LRBA: variants seen among roughly 807,000 people sequenced by gnomAD.
LRBA encodes the protein lipopolysaccharide-responsive and beige-like anchor protein.
A neutral mutation model predicts 330.0 loss-of-function variants in LRBA; 176 were observed. That is an observed-to-expected ratio of 0.53 (90% CI 0.47 to 0.60). The LOEUF is 0.60. Among genes scored for constraint, LRBA ranks in the 20% least tolerant of loss-of-function variants. The pLI, the probability that LRBA is intolerant of heterozygous loss-of-function variation, is 0.00. For missense variants in LRBA, 3,259 were observed against 3,444.8 expected, an observed-to-expected ratio of 0.95 and a Z score of 1.35; for synonymous variants, 1,230 against 1,193.0, an observed-to-expected ratio of 1.03 and a Z score of -0.64.
In LRBA at chr4:150,852,510, G is replaced by A; in HGVS notation, c.3200C>T (p.Thr1067Ile). ...AVAISSNSFITTGKDSMTVSE... is the reference protein window; with the variant it reads ...AVAISSNSFIITGKDSMTVSE... Reference sequence around the variant, plus strand: ...GACAGTCATTGAATCTTTGCCAGTTGTTATAAAAGAATTAGAGGAAATAGC... The same window carrying A: ...GACAGTCATTGAATCTTTGCCAGTTATTATAAAAGAATTAGAGGAAATAGC... The change falls in exon 23 of 57, where the codon ACA becomes ATA. Residue 1067 changes from threonine (T) to isoleucine (I), a missense_variant. Transcript: ENST00000651943. The A allele has an allele frequency of 6.2e-7, 1 of 1,613,692 alleles. No individual in the cohort carries two copies. The highest frequency in any genetic ancestry group is 8.5e-7 in the Non-Finnish European group (1 of 1,179,898).
intron 37 of LRBA, among the ~76,000 whole-genome samples, chr4:150,614,057 C>T (rs1040186801): frequency 2.6e-5 from 4 of 152,218 alleles, no homozygotes; most frequent in Non-Finnish European, 4.4e-5. Context: ...CCACACTAAC[C>T]CTTGAAAAGC....
At chr4:150,401,648 T>C (rs967484265) in intron 47 of LRBA, among the ~76,000 whole-genome samples, 6 of 152,150 alleles carry the variant, frequency 3.9e-5, no homozygotes, top group Non-Finnish European at 7.4e-5. Context: ...ACATGTTATA[T>C]ATCACTAACA....
chr4:150,535,940 C>T (rs1764611926), intron 40 of LRBA, among the ~76,000 whole-genome samples: 1 of 152,140 alleles, frequency 6.6e-6, no homozygotes, highest in Non-Finnish European at 1.5e-5. Flanking sequence ...CAATATGAGG[C>T]ATACATCATC....
chr4:150,747,751 T>C (rs1465006385), intron 35 of LRBA, among the ~76,000 whole-genome samples: 2 of 152,212 alleles, frequency 1.3e-5, no homozygotes, highest in Non-Finnish European at 2.9e-5. Context: ...CATCCTCCGC[T>C]GCACTACCTA....
chr4:150,785,608 G>T (rs1479477353), intron 34 of LRBA, among the ~76,000 whole-genome samples: 1 of 152,146 alleles, frequency 6.6e-6, no homozygotes, highest in African/African-American at 2.4e-5. Flanking sequence ...ATATTTCAGT[G>T]TCATAATTTC....
intron 22 of LRBA, among the ~76,000 whole-genome samples, chr4:150,863,920 C>T (rs750613147): frequency 6.6e-6 from 1 of 151,986 alleles, no homozygotes; most frequent in Non-Finnish European, 1.5e-5. Flanking sequence ...TTTTTGGTCT[C>T]ATGACACTTT....
rs375500136 is a variant in LRBA, at chr4:150,900,118, G to A, written c.1855C>T (p.His619Tyr). ...RRVGTVLLIMHTLKYYYWAVN... is the reference protein window; with the variant it reads ...RRVGTVLLIMYTLKYYYWAVN... Reference sequence around the variant, plus strand: ...GCCCAGTAGTAGTACTTCAGCGTGTGCATGATGAGAAGCACTGTTCCAACT... The same window carrying A: ...GCCCAGTAGTAGTACTTCAGCGTGTACATGATGAGAAGCACTGTTCCAACT... The change falls in exon 14 of 57, where the codon CAC (histidine) becomes TAC (tyrosine). Residue 619 changes from histidine (H) to tyrosine (Y), a missense_variant. His to Tyr is a moderately conservative substitution (Grantham distance 83). Transcript: ENST00000651943. 3 of 1,612,964 alleles carry A rather than the reference G, an allele frequency of 1.9e-6. No individual in the cohort carries two copies. Among genetic ancestry groups the A allele is most frequent in the Non-Finnish European group, 2.5e-6 (3 of 1,179,128 alleles).
chr4:150,431,435 TG>T (rs1449196181), intron 46 of LRBA, among the ~76,000 whole-genome samples: 5 of 152,166 alleles, frequency 3.3e-5, no homozygotes, highest in African/African-American at 1.2e-4. Context: ...GAATCTGCAC[TG>T]CCCCAAGACA....
intron 37 of LRBA, among the ~76,000 whole-genome samples, chr4:150,620,130 G>A (rs933672122): frequency 6.6e-6 from 1 of 151,914 alleles, no homozygotes; most frequent in African/African-American, 2.4e-5. Flanking sequence ...CAGAGTTAAA[G>A]TAACTACAAT....
intron 47 of LRBA, among the ~76,000 whole-genome samples, chr4:150,393,471 TC>T (rs895037168): frequency 1.5e-4 from 23 of 150,772 alleles, no homozygotes; most frequent in African/African-American, 5.6e-4. Flanking sequence ...ACCTCTTCCC[TC>T]CCTTTCCCTC....
In LRBA at chr4:150,897,792, T is replaced by C. The variant is rs1303386992; in HGVS notation, c.1951A>G (p.Met651Val). 6.2e-7 allele frequency: 1 copy of C among 1,612,166 alleles called. No individual in the cohort carries two copies. The part of the protein sequence containing the change: ...LDGPRPNQKE[M>V]LSLRAFLLMF... ...AACAAGAATGCTCGTAGAGAAAGCA[T>C]TTCTTTTTGATTAGGTCGCGGTCCA... The change falls in exon 15 of 57, where the codon ATG (methionine) becomes GTG (valine). Residue 651 changes from methionine to valine, a missense_variant. By Grantham distance (21) the Met-to-Val change is conservative. Coordinates refer to ENST00000651943, the MANE Select transcript of LRBA (RefSeq NM_001364905.1).
Position 150,867,842 on chromosome 4 carries a change from C to A in LRBA, c.2595G>T (p.Val865=). 2.5e-6 allele frequency: 4 copies of A among 1,612,298 alleles called. No homozygotes were observed. Among genetic ancestry groups the A allele is most frequent in the Non-Finnish European group, 3.4e-6 (4 of 1,179,200 alleles). Residue 865 remains valine, a synonymous_variant, in exon 22 of 57, where the codon GTG becomes GTT. Transcript: ENST00000651943. ...ENRRSLLQCS[V]WQEWMLSLCY... Reference sequence around the variant, plus strand: ...AGAGAGAAAGCATCCATTCTTGCCACACAGAGCATTGTAGCAAGCTCCTGA... The same window carrying A: ...AGAGAGAAAGCATCCATTCTTGCCAAACAGAGCATTGTAGCAAGCTCCTGA...
At chr4:150,855,258 G>A (rs952100036) in intron 22 of LRBA, among the ~76,000 whole-genome samples, 1 of 152,208 alleles carries the variant, frequency 6.6e-6, no homozygotes, top group Middle Eastern at 3.4e-3. Context: ...GTGAGACTCT[G>A]TCTCCAAAAA....
chr4:150,600,582 G>A (rs1258208841), intron 37 of LRBA, among the ~76,000 whole-genome samples: 1 of 151,924 alleles, frequency 6.6e-6, no homozygotes, highest in Non-Finnish European at 1.5e-5. Flanking sequence ...GGTGATTTTG[G>A]TCAGGAGAAG....
intron 44 of LRBA, among the ~76,000 whole-genome samples, chr4:150,466,189 G>T (rs1755433579): frequency 6.6e-6 from 1 of 152,098 alleles, no homozygotes; most frequent in Non-Finnish European, 1.5e-5. Context: ...GACATCCTCG[G>T]TAACTATTGT....
chr4:150,452,492 T>C (rs1753471340), intron 44 of LRBA, among the ~76,000 whole-genome samples: 1 of 151,790 alleles, frequency 6.6e-6, no homozygotes, highest in Non-Finnish European at 1.5e-5. Flanking sequence ...TGCGGTGGTG[T>C]GCACCTATAG....
At chr4:150,601,804 GCCTC>G (rs1774143374) in intron 37 of LRBA, among the ~76,000 whole-genome samples, 1 of 146,710 alleles carries the variant, frequency 6.8e-6, no homozygotes, top group Non-Finnish European at 1.6e-5. Context: ...CCATTCTCCT[GCCTC>G]AGCCTCCCGA....
rs1736080785 is a variant in LRBA at position 150,944,914 on chromosome 4, A to T, written c.217-15849T>A. Among the ~76,000 whole-genome samples, 5 of 152,310 alleles carry T rather than the reference A, an allele frequency of 3.3e-5. No individual in the cohort carries two copies. The South Asian group carries it at 1.0e-3, about 32-fold the overall frequency. ...AAGTCTCACAAGATCTGATGGTTTT[A>T]TAAAGGGCAGTTACCCTGCACATGC... On this transcript the variant is annotated intron_variant, in intron 2 of 56. Coordinates refer to ENST00000651943, the MANE Select transcript of LRBA (RefSeq NM_001364905.1).
intron 46 of LRBA, chr4:150,423,405 T>G (rs1325485544): frequency 1.6e-6 from 1 of 632,170 alleles, no homozygotes; most frequent in Non-Finnish European, 2.8e-6. Flanking sequence ...AGTCCCTTCC[T>G]TCTGCGCTTC....
Sources: gnomAD v4.1 joint callset for allele counts (sites outside exome capture counted in the v4.1 genomes callset) on GRCh38, gnomAD v4.1.1 for gene constraint, MANE v1.5 for transcripts, NCBI Gene and HGNC (gene_info 2026-07-23, HGNC 2026-07-21) for gene names.